The following ASTN1 variants were observed in gnomAD, a reference collection of about 807,000 sequenced individuals.
The protein encoded by ASTN1 is astrotactin 1, also known as astrotactin-1.
A neutral mutation model predicts 140.7 loss-of-function variants in ASTN1; 41 were observed. The observed-to-expected ratio is 0.29, with a 90% CI of 0.23 to 0.38. The LOEUF (loss-of-function observed/expected upper bound fraction) is 0.38, where lower values mean the gene tolerates loss of function less well. Ranked by LOEUF, ASTN1 falls within the 10% of genes least tolerant of loss-of-function variation. The pLI is 1.00. For missense variants in ASTN1, 1,479 were observed against 1,678.8 expected (o/e 0.88, Z 2.08); for synonymous variants, 640 against 652.2 (o/e 0.98, Z 0.29).
chr1:177,140,237 C>T (rs766654569), intron 1 of ASTN1, among the ~76,000 whole-genome samples: 16 of 152,130 alleles, frequency 1.1e-4, no homozygotes, highest in Admixed American at 4.6e-4. Context: ...TGCCAAGAAG[C>T]CACCATGGTT....
chr1:177,047,005 T>A (rs1677264109), intron 2 of ASTN1, among the ~76,000 whole-genome samples: 1 of 152,242 alleles, frequency 6.6e-6, no homozygotes, highest in Non-Finnish European at 1.5e-5. Context: ...CAAGGTTGTC[T>A]GTCCATTCCC....
At chr1:177,066,146 G>C (rs1460152706) in intron 1 of ASTN1, among the ~76,000 whole-genome samples, 2 of 152,180 alleles carry the variant, frequency 1.3e-5, no homozygotes, top group African/African-American at 4.8e-5. Flanking sequence ...CCTTCTCCAA[G>C]TCTAACCCAA....
At chr1:176,886,049 A>C (rs1329423117) in intron 18 of ASTN1, among the ~76,000 whole-genome samples, 1 of 152,180 alleles carries the variant, frequency 6.6e-6, no homozygotes, top group Non-Finnish European at 1.5e-5. Flanking sequence ...AAAAAAAAGC[A>C]TTAGGAACGT....
Position 176,965,207 on chromosome 1 carries a change from G to A in ASTN1, c.1554C>T (p.Gly518=). The part of the protein sequence containing the change: ...GPWPYTIFQR[G]FDLVLGEQPS... ...GCTGCTCTCCCAAAACCAGGTCAAA[G>A]CCTCGCTGAAATATTGTGTAAGGCC... The change falls in exon 9 of 23, where the codon GGC becomes GGT. Residue 518 remains glycine (G), a synonymous_variant. Coordinates refer to ENST00000361833, the MANE Select transcript of ASTN1 (RefSeq NM_004319.3). 6.2e-7 allele frequency: 1 copy of A among 1,613,962 alleles called. No individual in the cohort carries two copies. Among genetic ancestry groups the A allele is most frequent in the Non-Finnish European group, 8.5e-7 (1 of 1,179,894 alleles).
chr1:177,163,193 A>G (rs986072270), intron 1 of ASTN1, among the ~76,000 whole-genome samples: 2 of 152,210 alleles, frequency 1.3e-5, no homozygotes, highest in African/African-American at 4.8e-5. Context: ...TGTAGTTGGT[A>G]GGGTATCAAG....
intron 1 of ASTN1, among the ~76,000 whole-genome samples, chr1:177,133,989 C>G (rs937683676): frequency 1.3e-5 from 2 of 152,104 alleles, no homozygotes; most frequent in Non-Finnish European, 2.9e-5. Flanking sequence ...TGTGTTATGC[C>G]TACAGTAGTC....
intron 1 of ASTN1, among the ~76,000 whole-genome samples, chr1:177,089,519 C>G (rs1023282509): frequency 6.6e-6 from 1 of 152,170 alleles, no homozygotes; most frequent in African/African-American, 2.4e-5. Flanking sequence ...TCTCAACTCT[C>G]AGTCCAGTTC....
chr1:177,007,347 C>A (rs1013457056), intron 8 of ASTN1, among the ~76,000 whole-genome samples: 2 of 152,028 alleles, frequency 1.3e-5, no homozygotes, highest in African/African-American at 4.8e-5. Flanking sequence ...GCCAAGATAG[C>A]ACCATTGCAC....
intron 21 of ASTN1, 45 bp downstream of exon 21, chr1:176,876,492 C>G (rs1668567831): frequency 6.3e-7 from 1 of 1,599,056 alleles, no homozygotes; most frequent in Admixed American, 1.7e-5. Flanking sequence ...TGGTGGGTAC[C>G]TGGGGCATCC....
chr1:177,122,518 G>A (rs1018081336), intron 1 of ASTN1, among the ~76,000 whole-genome samples: 3 of 152,072 alleles, frequency 2.0e-5, no homozygotes, highest in African/African-American at 7.3e-5. Flanking sequence ...GCCAAATGGG[G>A]ACCCTCCCTT....
chr1:176,958,453 C>T lies in ASTN1; in HGVS notation c.1628G>A (p.Trp543Ter), dbSNP rs867762010. 4 of 1,613,660 alleles carry T rather than the reference C, an allele frequency of 2.5e-6. No homozygotes were observed. Among genetic ancestry groups the T allele is most frequent in the Non-Finnish European group, 3.4e-6 (4 of 1,179,846 alleles). The change falls in exon 10 of 23, where the codon TGG becomes TAG. Residue 543 changes from tryptophan to a stop codon, truncating the protein, a stop_gained. Transcript: ENST00000361833. LOFTEE classifies it high-confidence loss of function. ...RFTYTLGEGM[W>*]LPLSKSFVIP... ...CACAAAGCTCTTGCTGAGGGGCAAC[C>T]ACATGCCCTCCCCAAGAGTGTAGGT... is the stretch of plus-strand genomic sequence containing the variant.
At chr1:177,022,062 G>T (rs1224864411) in intron 7 of ASTN1, among the ~76,000 whole-genome samples, 2 of 152,060 alleles carry the variant, frequency 1.3e-5, no homozygotes, top group African/African-American at 2.4e-5. Flanking sequence ...CTCTGTGATG[G>T]GCCCACATAA....
intron 1 of ASTN1, among the ~76,000 whole-genome samples, chr1:177,130,325 G>A (rs1327918986): frequency 2.0e-5 from 3 of 152,116 alleles, no homozygotes; most frequent in African/African-American, 7.2e-5. Flanking sequence ...TCCCAGAGTA[G>A]TGAGCAAGTG....
chr1:176,858,818 G>A (rs1667884392), downstream of ASTN1, among the ~76,000 whole-genome samples: 1 of 152,150 alleles, frequency 6.6e-6, no homozygotes, highest in Non-Finnish European at 1.5e-5. Flanking sequence ...ATCTCAGTGG[G>A]ACGAGTCTTT....
At chr1:176,994,168 C>T (rs987657039) in intron 8 of ASTN1, among the ~76,000 whole-genome samples, 3 of 151,656 alleles carry the variant, frequency 2.0e-5, no homozygotes, top group Non-Finnish European at 2.9e-5. Context: ...AATTCCTCTC[C>T]CTTCCTCCCT....
chr1:177,135,795 G>A (rs998397680), intron 1 of ASTN1, among the ~76,000 whole-genome samples: 10 of 152,264 alleles, frequency 6.6e-5, no homozygotes, highest in Admixed American at 2.6e-4. Context: ...GCCACTCAAA[G>A]TGTTCTCATG....
intron 1 of ASTN1, among the ~76,000 whole-genome samples, chr1:177,149,860 T>C (rs941188722): frequency 6.4e-5 from 9 of 140,296 alleles, no homozygotes; most frequent in Non-Finnish European, 1.1e-4. Flanking sequence ...TGTATATACA[T>C]AGTAAATATA....
intron 8 of ASTN1, among the ~76,000 whole-genome samples, chr1:177,008,393 G>A (rs938087375): frequency 6.6e-6 from 1 of 151,270 alleles, no homozygotes; most frequent in Non-Finnish European, 1.5e-5. Flanking sequence ...GAGAGAAAGA[G>A]AGGAAGAGAG....
At chr1:177,078,964 C>G (rs74987506) in intron 1 of ASTN1, among the ~76,000 whole-genome samples, 9 of 152,080 alleles carry the variant, frequency 5.9e-5, no homozygotes, top group South Asian at 2.1e-4. Context: ...AGAAAAAAGT[C>G]TGGTTTGTTT....
Sources: allele counts gnomAD v4.1 joint callset (sites outside exome capture counted in the v4.1 genomes callset), GRCh38; gene constraint gnomAD v4.1.1; transcripts MANE v1.5; gene names NCBI Gene and HGNC (gene_info 2026-07-23, HGNC 2026-07-21).